The following NMNAT3 variants were observed in gnomAD, a reference collection of about 807,000 sequenced individuals.
NMNAT3 encodes the protein nicotinamide nucleotide adenylyltransferase 3.
A neutral mutation model predicts 24.8 loss-of-function variants in NMNAT3; 21 were observed. The ratio of observed to expected loss-of-function variants is 0.85; its 90% CI spans 0.60 to 1.22. The LOEUF (loss-of-function observed/expected upper bound fraction) is 1.22, where lower values mean the gene tolerates loss of function less well. Among genes scored for constraint, NMNAT3 ranks in the 50% most tolerant of loss-of-function variants. The pLI, the probability that NMNAT3 is intolerant of heterozygous loss-of-function variation, is 0.00. For missense variants in NMNAT3, 387 were observed against 436.6 expected (o/e 0.89, Z 1.01); for synonymous variants, 136 against 155.2 (o/e 0.88, Z 0.92).
intron 3 of NMNAT3, among the ~76,000 whole-genome samples, chr3:139,598,378 G>A (rs1309126799): frequency 6.6e-6 from 1 of 152,142 alleles, no homozygotes; most frequent in Non-Finnish European, 1.5e-5. Context: ...AAAATGCCAT[G>A]CACTTACATC....
At chr3:139,677,114 C>T (rs1559985583) in intron 1 of NMNAT3, among the ~76,000 whole-genome samples, 2 of 152,178 alleles carry the variant, frequency 1.3e-5, no homozygotes, top group Non-Finnish European at 2.9e-5. Flanking sequence ...GTTCCCCGCC[C>T]GGGAATTCTC....
At chr3:139,605,933 A>G (rs2108235252) in intron 3 of NMNAT3, among the ~76,000 whole-genome samples, 1 of 152,080 alleles carries the variant, frequency 6.6e-6, no homozygotes, top group South Asian at 2.1e-4. Context: ...TTTTTCTGTA[A>G]CAAATTTACT....
At chr3:139,658,768 AT>A (rs941749587) in intron 1 of NMNAT3, among the ~76,000 whole-genome samples, 47 of 151,976 alleles carry the variant, frequency 3.1e-4, no homozygotes, top group African/African-American at 1.0e-3. Flanking sequence ...TTTGTTTAGC[AT>A]TTTTTTTCGT....
At chr3:139,577,708 A>G (rs1323371034) in intron 5 of NMNAT3, 1 of 152,190 alleles carries the variant, frequency 6.6e-6, no homozygotes, top group African/African-American at 2.4e-5. Context: ...GTCTTTGTTT[A>G]TACTAATGGG....
chr3:139,641,648 C>T (rs1319231929), intron 1 of NMNAT3, among the ~76,000 whole-genome samples: 1 of 152,162 alleles, frequency 6.6e-6, no homozygotes, highest in Non-Finnish European at 1.5e-5. Flanking sequence ...AGCTTCAGCC[C>T]ACAGACATCC....
intron 6 of NMNAT3, chr3:139,572,216 G>A: frequency 2.5e-6 from 1 of 398,630 alleles, no homozygotes; most frequent in Non-Finnish European, 4.4e-6. Flanking sequence ...AGTGTCTGTA[G>A]AATCCTTTTA....
chr3:139,601,555 A>T (rs2054717552), intron 3 of NMNAT3, among the ~76,000 whole-genome samples: 1 of 152,228 alleles, frequency 6.6e-6, no homozygotes, highest in South Asian at 2.1e-4. Context: ...ACTACAAATA[A>T]CATTTCCTTT....
chr3:139,572,079 A>G (rs1024259270), intron 6 of NMNAT3: 8 of 398,608 alleles, frequency 2.0e-5, no homozygotes, highest in African/African-American at 1.6e-4. Context: ...TCCTCCATGC[A>G]GCCTTCCTAA....
intron 1 of NMNAT3, among the ~76,000 whole-genome samples, chr3:139,648,104 A>G (rs2056929564): frequency 6.6e-6 from 1 of 152,098 alleles, no homozygotes; most frequent in Non-Finnish European, 1.5e-5. Flanking sequence ...TGAGGGAGGG[A>G]TCTGGTGGGA....
intron 1 of NMNAT3, among the ~76,000 whole-genome samples, chr3:139,647,679 G>A (rs2056913712): frequency 1.3e-5 from 2 of 152,148 alleles, no homozygotes; most frequent in Non-Finnish European, 2.9e-5. Flanking sequence ...GACAAGACAA[G>A]GAATGCTGGC....
intron 5 of NMNAT3, among the ~76,000 whole-genome samples, chr3:139,574,289 C>T (rs1023023185): frequency 2.0e-5 from 3 of 152,208 alleles, no homozygotes; most frequent in Non-Finnish European, 4.4e-5. Context: ...CTGTGTGACC[C>T]TGGGTGGGTG....
At chr3:139,592,154 G>A (rs184714149) in intron 3 of NMNAT3, among the ~76,000 whole-genome samples, 3 of 152,270 alleles carry the variant, frequency 2.0e-5, no homozygotes, top group East Asian at 1.9e-4. Flanking sequence ...ACCAAGGCTC[G>A]AGAACTATGT....
At chr3:139,672,760 A>G (rs2057800057) in intron 1 of NMNAT3, 1 of 152,128 alleles carries the variant, frequency 6.6e-6, no homozygotes, top group Admixed American at 6.5e-5. Context: ...GGCCAAAGTA[A>G]CTCTCTAATA....
chr3:139,664,238 TACTC>T (rs1237194371), intron 1 of NMNAT3, among the ~76,000 whole-genome samples: 1 of 152,226 alleles, frequency 6.6e-6, no homozygotes, highest in East Asian at 1.9e-4. Context: ...CCAAGTTAGA[TACTC>T]TTCACAGTCT....
intron 3 of NMNAT3, chr3:139,599,262 C>A: frequency 1.4e-6 from 1 of 699,434 alleles, no homozygotes; most frequent in South Asian, 1.5e-5. Context: ...CGTGGCTGCT[C>A]TGTAGCACAG....
chr3:139,562,219 A>G (rs1193992195), intron 6 of NMNAT3, among the ~76,000 whole-genome samples: 1 of 152,212 alleles, frequency 6.6e-6, no homozygotes, highest in East Asian at 1.9e-4. Flanking sequence ...AGTTAGGCAG[A>G]TAAGTCAGGT....
At chr3:139,582,667 A>G (rs2053711763) in intron 4 of NMNAT3, among the ~76,000 whole-genome samples, 1 of 149,530 alleles carries the variant, frequency 6.7e-6, no homozygotes, top group African/African-American at 2.4e-5. Flanking sequence ...AAAAAAAAGA[A>G]AAGAAAATGT....
rs574889617 is a variant in NMNAT3 at position 139,627,728 on chromosome 3, G to C, written c.-4C>G. 195 of 1,582,260 alleles carry C rather than the reference G, an allele frequency of 1.2e-4. 1 individual carries two copies. The South Asian group carries it at 2.1e-3, about 17-fold the overall frequency. Reference sequence around the variant, plus strand: ...CCACAGGTATTCGGCTCTTCATCTTGTCAGGCACATCCACACCTGTTGCAG... The same window carrying C: ...CCACAGGTATTCGGCTCTTCATCTTCTCAGGCACATCCACACCTGTTGCAG... On this transcript the variant is annotated 5_prime_UTR_variant, in exon 3 of 7. Coordinates refer to ENST00000643695, the MANE Select transcript of NMNAT3 (RefSeq NM_001320510.2).
chr3:139,655,314 T>G (rs752592944), intron 1 of NMNAT3, among the ~76,000 whole-genome samples: 5 of 152,106 alleles, frequency 3.3e-5, no homozygotes, highest in African/African-American at 4.8e-5. Context: ...GAGTGATCAG[T>G]CTATAAGTGA....
Sources: allele counts gnomAD v4.1 joint callset (sites outside exome capture counted in the v4.1 genomes callset), GRCh38; gene constraint gnomAD v4.1.1; transcripts MANE v1.5; gene names NCBI Gene and HGNC (gene_info 2026-07-23, HGNC 2026-07-21).